The following SLC2A13 variants were observed in gnomAD, a reference collection of about 807,000 sequenced individuals.
The protein encoded by SLC2A13 is solute carrier family 2 member 13.
In SLC2A13, 32 loss-of-function variants were observed where a neutral mutation model predicts 64.4. That is an observed-to-expected ratio of 0.50 (90% CI 0.37 to 0.67). SLC2A13 has a LOEUF of 0.67. Among genes scored for constraint, SLC2A13 ranks in the 30% least tolerant of loss-of-function variants. The pLI is 0.00. For synonymous variants in SLC2A13, 338 were observed against 327.1 expected (o/e 1.03, Z -0.36); for missense variants, 743 against 829.2 (o/e 0.90, Z 1.28).
chr12:39,991,120 T>C (rs1947131647), intron 3 of SLC2A13, among the ~76,000 whole-genome samples: 1 of 151,962 alleles, frequency 6.6e-6, no homozygotes, highest in African/African-American at 2.4e-5. Flanking sequence ...CTTCACGGAG[T>C]TCAACCATGA....
chr12:39,962,483 T>G, intron 3 of SLC2A13, among the ~76,000 whole-genome samples: 1 of 152,222 alleles, frequency 6.6e-6, no homozygotes, highest in East Asian at 1.9e-4. Context: ...AGTAGATTTC[T>G]TAGAATACTC....
intron 5 of SLC2A13, among the ~76,000 whole-genome samples, chr12:39,865,627 T>A (rs1193806533): frequency 6.6e-6 from 1 of 152,086 alleles, no homozygotes; most frequent in Non-Finnish European, 1.5e-5. Flanking sequence ...GCCACAGACA[T>A]TGTGAGGGTA....
intron 7 of SLC2A13, among the ~76,000 whole-genome samples, chr12:39,772,703 G>C (rs907190484): frequency 9.2e-5 from 14 of 152,170 alleles, no homozygotes; most frequent in African/African-American, 3.1e-4. Context: ...AAGATTCACT[G>C]AACAATTTTC....
chr12:39,792,441 A>G (rs1941435784), intron 7 of SLC2A13, among the ~76,000 whole-genome samples: 1 of 152,166 alleles, frequency 6.6e-6, no homozygotes, highest in African/African-American at 2.4e-5. Flanking sequence ...AACAGGCAAC[A>G]TTCTTTTGTT....
At chr12:39,810,390 A>G (rs1440475517) in intron 7 of SLC2A13, among the ~76,000 whole-genome samples, 1 of 152,152 alleles carries the variant, frequency 6.6e-6, no homozygotes, top group Non-Finnish European at 1.5e-5. Context: ...ACTTTGTTAC[A>G]TTCATTTATT....
chr12:40,099,415 T>C (rs913923745), intron 1 of SLC2A13, among the ~76,000 whole-genome samples: 3 of 152,334 alleles, frequency 2.0e-5, no homozygotes, highest in East Asian at 1.9e-4. Context: ...TGGGTAAAGA[T>C]GGCAACGACT....
intron 6 of SLC2A13, among the ~76,000 whole-genome samples, chr12:39,838,678 A>G (rs534323644): frequency 6.6e-6 from 1 of 152,168 alleles, no homozygotes; most frequent in African/African-American, 2.4e-5. Context: ...AGGATGGCCT[A>G]TTTTCATTCA....
At position 39,756,186 on chromosome 12, in the gene SLC2A13, T is replaced by G. The variant is rs960039863; in HGVS notation, c.*3840A>C. 2 of 151,956 alleles carry G rather than the reference T, an allele frequency of 1.3e-5. No homozygotes were observed. The highest frequency in any genetic ancestry group is 6.6e-5 in the Admixed American group (1 of 15,200). The allele number at this position is 151,956 out of a possible 1,614,324, so 9.4% of individuals were successfully genotyped here. A position where few individuals can be genotyped will look rare whatever the true frequency, so the allele number is the denominator to read the frequency against. Reference sequence around the variant, plus strand: ...TAAAAATTAATCCACAGAACAATTCTGAGCCTTCTTATTGGCAGCAGCTAC... The same window carrying G: ...TAAAAATTAATCCACAGAACAATTCGGAGCCTTCTTATTGGCAGCAGCTAC... On this transcript the variant is annotated 3_prime_UTR_variant, in exon 10 of 10. Coordinates refer to ENST00000280871, the MANE Select transcript of SLC2A13 (RefSeq NM_052885.4).
chr12:40,006,099 A>G (rs1409039212), intron 3 of SLC2A13, among the ~76,000 whole-genome samples: 2 of 116,036 alleles, frequency 1.7e-5, no homozygotes, highest in Non-Finnish European at 4.0e-5. Context: ...ATGAGTATAA[A>G]TTAATAACCC....
At chr12:40,073,261 G>A (rs141714011) in intron 1 of SLC2A13, among the ~76,000 whole-genome samples, 1 of 152,080 alleles carries the variant, frequency 6.6e-6, no homozygotes, top group East Asian at 1.9e-4. Flanking sequence ...ACACCAGAAA[G>A]AGTCTCTGAG....
At position 40,080,181 on chromosome 12, in the gene SLC2A13, T is replaced by C. The variant is rs1181293503; in HGVS notation, c.556+25072A>G. 2.8e-4 allele frequency among the ~76,000 whole-genome samples: 33 copies of C among 118,860 alleles called. No homozygotes were observed. The Admixed American group carries it at 3.0e-3, about 11-fold the overall frequency. The allele number at this position is 118,860 out of a possible 152,430, so 78.0% of individuals were successfully genotyped here. On this transcript the variant is annotated intron_variant, in intron 1 of 9. Transcript: ENST00000280871. Reference sequence around the variant, plus strand: ...CTGGGTTCTTTGTCCTTTTTGACCATTGATGGCTTAAAGTCTATTTTTTTC... The same window carrying C: ...CTGGGTTCTTTGTCCTTTTTGACCACTGATGGCTTAAAGTCTATTTTTTTC...
intron 1 of SLC2A13, among the ~76,000 whole-genome samples, chr12:40,083,227 G>C (rs534198935): frequency 1.9e-4 from 29 of 152,154 alleles, no homozygotes; most frequent in African/African-American, 5.8e-4. Flanking sequence ...ACTTGTTTCA[G>C]CTTATACACA....
At chr12:40,015,880 C>T (rs1013422855) in intron 3 of SLC2A13, among the ~76,000 whole-genome samples, 11 of 152,088 alleles carry the variant, frequency 7.2e-5, no homozygotes, top group African/African-American at 2.4e-4. Context: ...ATAATAATAA[C>T]GATTTCACAC....
At position 40,012,729 on chromosome 12, in the gene SLC2A13, T is replaced by A. The variant is rs550375131; in HGVS notation, c.925+15572A>T. 4.6e-5 allele frequency among the ~76,000 whole-genome samples: 7 copies of A among 152,300 alleles called. No individual in the cohort carries two copies. The East Asian group carries it at 7.7e-4, about 17-fold the overall frequency. On this transcript the variant is annotated intron_variant, in intron 3 of 9. Transcript: ENST00000280871. ...AATAACTGTCACAGATAACACTGCT[T>A]CCAAAACACAAGTAGTGGGTTATTA...
chr12:39,912,770 G>A (rs973797266), intron 4 of SLC2A13, among the ~76,000 whole-genome samples: 4 of 152,058 alleles, frequency 2.6e-5, no homozygotes, highest in South Asian at 2.1e-4. Context: ...ATCTGGCCTC[G>A]AGTATCCTCT....
intron 9 of SLC2A13, among the ~76,000 whole-genome samples, chr12:39,763,856 C>T (rs541765191): frequency 2.0e-5 from 3 of 152,204 alleles, no homozygotes; most frequent in South Asian, 4.1e-4. Flanking sequence ...GAATTATGGC[C>T]TCCATACATT....
Position 39,755,669 on chromosome 12 carries a change from T to C in SLC2A13, c.*4357A>G, listed in dbSNP as rs1407363687. 2.0e-5 allele frequency: 3 copies of C among 152,104 alleles called. No homozygotes were observed. 9.4% of individuals were successfully genotyped at this position (152,104 alleles called of 1,614,324 possible). A position where few individuals can be genotyped will look rare whatever the true frequency, so the allele number is the denominator to read the frequency against. On this transcript the variant is annotated 3_prime_UTR_variant, in exon 10 of 10. Transcript: ENST00000280871. ...GCATGATCCACTTCTTTTTCTCATTTATGCTGACATGACAAAATCAAACAC... is the reference window on the plus strand; with the variant it reads ...GCATGATCCACTTCTTTTTCTCATTCATGCTGACATGACAAAATCAAACAC...
intron 3 of SLC2A13, among the ~76,000 whole-genome samples, chr12:40,026,511 A>C: frequency 6.6e-6 from 1 of 152,220 alleles, no homozygotes. Context: ...CTAAAACTCA[A>C]ATAGGATACA....
chr12:39,862,093 T>C (rs922664507), intron 6 of SLC2A13, among the ~76,000 whole-genome samples: 1 of 152,178 alleles, frequency 6.6e-6, no homozygotes, highest in Admixed American at 6.5e-5. Flanking sequence ...GTCCCTATGT[T>C]CTCATTGTTC....
Sources: allele counts gnomAD v4.1 joint callset (sites outside exome capture counted in the v4.1 genomes callset), GRCh38; gene constraint gnomAD v4.1.1; transcripts MANE v1.5; gene names NCBI Gene and HGNC (gene_info 2026-07-23, HGNC 2026-07-21).